CA10: variants seen among roughly 807,000 people sequenced by gnomAD.
The protein encoded by CA10 is carbonic anhydrase 10 (inactive), also known as carbonic anhydrase-related protein 10.
In CA10, 14 loss-of-function variants were observed where a neutral mutation model predicts 44.2. The observed-to-expected ratio is 0.32, with a 90% CI of 0.21 to 0.50. The LOEUF is 0.50. CA10 is among the 20% of genes least tolerant of loss of function. The pLI, the probability that CA10 is intolerant of heterozygous loss-of-function variation, is 0.99. For missense variants in CA10, 350 were observed against 409.7 expected (o/e 0.85, Z 1.26); for synonymous variants, 159 against 141.6 (o/e 1.12, Z -0.87).
chr17:51,965,144 T>C (rs1984033752), intron 2 of CA10, among the ~76,000 whole-genome samples: 1 of 151,778 alleles, frequency 6.6e-6, no homozygotes. Flanking sequence ...CTAGAAAACC[T>C]AGAGGAAATG....
chr17:51,828,147 G>A (rs941424535), intron 3 of CA10, among the ~76,000 whole-genome samples: 1 of 152,170 alleles, frequency 6.6e-6, no homozygotes, highest in Non-Finnish European at 1.5e-5. Context: ...ACTGTGTCTG[G>A]TGTTGTACAA....
chr17:51,879,317 C>A (rs940020617), intron 3 of CA10, among the ~76,000 whole-genome samples: 1 of 152,126 alleles, frequency 6.6e-6, no homozygotes, highest in African/African-American at 2.4e-5. Context: ...GAGACAAATA[C>A]TACAAATAGC....
At chr17:51,953,454 TG>T (rs953290050) in intron 2 of CA10, among the ~76,000 whole-genome samples, 34 of 143,206 alleles carry the variant, frequency 2.4e-4, no homozygotes, top group African/African-American at 8.0e-4. Context: ...TGGATATTTT[TG>T]TTTTTTTTTT....
At chr17:51,929,558 C>G (rs1474584847) in intron 3 of CA10, among the ~76,000 whole-genome samples, 1 of 152,136 alleles carries the variant, frequency 6.6e-6, no homozygotes, top group Non-Finnish European at 1.5e-5. Flanking sequence ...CCACCCCCTG[C>G]TTTTCCTTTT....
chr17:51,777,663 G>A (rs1905876732), intron 3 of CA10, among the ~76,000 whole-genome samples: 1 of 152,186 alleles, frequency 6.6e-6, no homozygotes, highest in Non-Finnish European at 1.5e-5. Flanking sequence ...ATATTTATAG[G>A]CCAGGCGCAG....
chr17:52,014,112 A>G (rs1340626561), intron 2 of CA10, among the ~76,000 whole-genome samples: 1 of 151,968 alleles, frequency 6.6e-6, no homozygotes, highest in Non-Finnish European at 1.5e-5. Context: ...AAATAATATC[A>G]GGTACCATTT....
chr17:51,805,892 G>C (rs1043113108), intron 3 of CA10, among the ~76,000 whole-genome samples: 3 of 152,184 alleles, frequency 2.0e-5, no homozygotes, highest in African/African-American at 7.2e-5. Flanking sequence ...GAGCAAATGA[G>C]GAAGACAGTG....
chr17:51,981,364 C>A (rs1984647175), intron 2 of CA10, among the ~76,000 whole-genome samples: 1 of 151,930 alleles, frequency 6.6e-6, no homozygotes, highest in African/African-American at 2.4e-5. Context: ...GATCGATTGA[C>A]ACATGCAACA....
chr17:52,158,339 G>A lies in CA10; in HGVS notation c.-553C>T, dbSNP rs1404746886. On this transcript the variant is annotated 5_prime_UTR_variant, in exon 1 of 9. Transcript: ENST00000451037. ...CCCCTCACCGGGGCATGGTCGGAGGGTGGCTGCTGCGCTCCGGGGCAGTTC... is the reference window on the plus strand; with the variant it reads ...CCCCTCACCGGGGCATGGTCGGAGGATGGCTGCTGCGCTCCGGGGCAGTTC... 2.1e-5 allele frequency: 4 copies of A among 191,338 alleles called. No homozygotes were observed. Among genetic ancestry groups the A allele is most frequent in the Non-Finnish European group, 4.3e-5 (4 of 92,526 alleles). The allele number at this position is 191,338 out of a possible 1,614,324, so 11.9% of individuals were successfully genotyped here.
At chr17:51,643,892 G>A (rs1475603888) in intron 6 of CA10, among the ~76,000 whole-genome samples, 3 of 152,136 alleles carry the variant, frequency 2.0e-5, no homozygotes, top group South Asian at 2.1e-4. Flanking sequence ...CCATCTCAAC[G>A]TCAGCATTAA....
intron 2 of CA10, among the ~76,000 whole-genome samples, chr17:51,940,679 CAAA>C (rs11350422): frequency 1.5e-5 from 2 of 137,010 alleles, no homozygotes. Context: ...TCAAGATAAA[CAAA>C]AAAAAAAAAA....
chr17:51,950,247 A>AC (rs1408174241), intron 2 of CA10, among the ~76,000 whole-genome samples: 1 of 151,910 alleles, frequency 6.6e-6, no homozygotes, highest in African/African-American at 2.4e-5. Context: ...TTCCTGTGTT[A>AC]CCTCTGACCC....
intron 3 of CA10, among the ~76,000 whole-genome samples, chr17:51,760,736 A>G (rs1191307469): frequency 6.6e-6 from 1 of 152,220 alleles, no homozygotes; most frequent in Non-Finnish European, 1.5e-5. Flanking sequence ...AGTCCTGTCC[A>G]ATACAGCAGC....
intron 1 of CA10, among the ~76,000 whole-genome samples, chr17:52,102,212 A>ACAG (rs1988556567): frequency 1.3e-5 from 2 of 152,236 alleles, no homozygotes; most frequent in Non-Finnish European, 1.5e-5. Context: ...TTCTCAGGAA[A>ACAG]ACAGAGACTC....
At chr17:51,786,430 T>C (rs1906285585) in intron 3 of CA10, among the ~76,000 whole-genome samples, 1 of 152,172 alleles carries the variant, frequency 6.6e-6, no homozygotes, top group African/African-American at 2.4e-5. Flanking sequence ...TGTTTGACTT[T>C]AATCCCAGCT....
chr17:52,127,611 G>T (rs1989147381), intron 1 of CA10, among the ~76,000 whole-genome samples: 1 of 152,178 alleles, frequency 6.6e-6, no homozygotes, highest in African/African-American at 2.4e-5. Flanking sequence ...AGTCAGTTGG[G>T]CAGAAGAGGC....
At chr17:51,938,872 G>A (rs888886769) in intron 2 of CA10, among the ~76,000 whole-genome samples, 8 of 151,984 alleles carry the variant, frequency 5.3e-5, no homozygotes, top group African/African-American at 1.9e-4. Context: ...GAGGTTAAAT[G>A]ACTTTCTAAG....
chr17:51,765,814 G>A (rs1905361838), intron 3 of CA10, among the ~76,000 whole-genome samples: 1 of 151,906 alleles, frequency 6.6e-6, no homozygotes, highest in African/African-American at 2.4e-5. Flanking sequence ...GGGAGAGTCT[G>A]GAGGGCTGAG....
At chr17:51,786,214 CTGTG>C (rs71357856) in intron 3 of CA10, among the ~76,000 whole-genome samples, 8 of 148,014 alleles carry the variant, frequency 5.4e-5, no homozygotes, top group African/African-American at 1.7e-4. Context: ...CTTTGTGTGT[CTGTG>C]TGTGTGTGTG....
Sources: allele counts gnomAD v4.1 joint callset (sites outside exome capture counted in the v4.1 genomes callset), GRCh38; gene constraint gnomAD v4.1.1; transcripts MANE v1.5; gene names NCBI Gene and HGNC (gene_info 2026-07-23, HGNC 2026-07-21).